LPO: variants seen among roughly 807,000 people sequenced by gnomAD.
LPO encodes the protein lactoperoxidase.
In LPO, 70 loss-of-function variants were observed where a neutral mutation model predicts 68.4. That is an observed-to-expected ratio of 1.02 (90% confidence interval 0.84 to 1.25). The LOEUF (loss-of-function observed/expected upper bound fraction) is 1.25, where lower values mean the gene tolerates loss of function less well. Ranked by LOEUF, LPO falls within the 50% of genes most tolerant of loss-of-function variation. The pLI is 0.00. For missense variants in LPO, 873 were observed against 908.4 expected (o/e 0.96, Z 0.50); for synonymous variants, 360 against 357.6 (o/e 1.01, Z -0.08).
At chr17:58,239,163 G>A (rs1457659099) in intron 1 of LPO, among the ~76,000 whole-genome samples, 2 of 151,700 alleles carry the variant, frequency 1.3e-5, no homozygotes, top group Admixed American at 6.6e-5. Context: ...CTCCACTATA[G>A]TGGAGATTTT....
chr17:58,252,468 T>A lies in LPO; in HGVS notation c.1067T>A (p.Phe356Tyr). The change falls in exon 8 of 13, where the codon TTC becomes TAC. Residue 356 changes from phenylalanine (F) to tyrosine (Y), a missense_variant. Physicochemically the swap from Phe to Tyr is conservative, Grantham distance 22. Transcript: ENST00000262290. The stretch of plus-strand genomic sequence containing the variant: ...AGCAAGAAGCCAAGCCCCTGTGAGT[T>A]CATCAACACCACTGCCCGTGTGCCC... ...YDSKKPSPCE[F>Y]INTTARVPCF... 2 of 1,613,768 alleles carry A rather than the reference T, an allele frequency of 1.2e-6. No individual in the cohort carries two copies. Among genetic ancestry groups the A allele is most frequent in the Non-Finnish European group, 1.7e-6 (2 of 1,179,874 alleles).
intron 9 of LPO, among the ~76,000 whole-genome samples, chr17:58,257,019 A>G (rs1331876916): frequency 1.1e-5 from 1 of 89,836 alleles, no homozygotes. Context: ...TTTTTTTGAG[A>G]TAGAGTCTTG....
rs372594384 is a variant in LPO at position 58,249,130 on chromosome 17, C to T, written c.396C>T (p.Cys132=). 7 of 1,614,180 alleles carry T rather than the reference C, an allele frequency of 4.3e-6. No homozygotes were observed. In the South Asian group the frequency reaches 6.6e-5, roughly 15 times the overall value. Residue 132 remains cysteine (C), a synonymous_variant, in exon 5 of 13, where the codon TGC becomes TGT. Coordinates refer to ENST00000262290, the MANE Select transcript of LPO (RefSeq NM_006151.3). Reference sequence around the variant, plus strand: ...GTGCTCCTGCTCCCGTGGTGAGATGCGACCCGTGCAGCCCTTACCGCACCA... The same window carrying T: ...GTGCTCCTGCTCCCGTGGTGAGATGTGACCCGTGCAGCCCTTACCGCACCA... ...GCGAPAPVVR[C]DPCSPYRTIT...
chr17:58,266,007 C>T (rs1970255882), intron 10 of LPO, 146 bp from the exon 11 acceptor site: 1 of 729,628 alleles, frequency 1.4e-6, no homozygotes, highest in Middle Eastern at 3.7e-4. Context: ...CTGCACTGTG[C>T]TCTTCTCTCC....
chr17:58,267,100 G>A (rs1970281689), intron 11 of LPO, among the ~76,000 whole-genome samples: 2 of 152,214 alleles, frequency 1.3e-5, no homozygotes, highest in Admixed American at 1.3e-4. Context: ...ACAGTGCTTA[G>A]AATAGTGCCT....
Position 58,268,223 on chromosome 17 carries a change from C to T in LPO, c.*229C>T, listed in dbSNP as rs905553208. On this transcript the variant is annotated 3_prime_UTR_variant, in exon 13 of 13. Coordinates refer to ENST00000262290, the MANE Select transcript of LPO (RefSeq NM_006151.3). The stretch of plus-strand genomic sequence containing the variant: ...TCTCCTTTCTGTCAAGACTTAGCCC[C>T]GCTGAGATGCCCTTCTGCTCCAGCT... The T allele has an allele frequency of 9.5e-5, 52 of 549,748 alleles. No individual in the cohort carries two copies. Among genetic ancestry groups the T allele is most frequent in the Admixed American group, 4.4e-4 (14 of 31,906 alleles). The allele number at this position is 549,748 out of a possible 1,614,324, so 34.1% of individuals were successfully genotyped here. A position where few individuals can be genotyped will look rare whatever the true frequency, so the allele number is the denominator to read the frequency against.
At position 58,249,670 on chromosome 17, in the gene LPO, C is replaced by A. The variant is rs772131545; in HGVS notation, c.548C>A (p.Thr183Lys). Residue 183 changes from threonine (T) to lysine (K), a missense_variant, in exon 6 of 13, where the codon ACG (threonine) becomes AAG (lysine). Transcript: ENST00000262290. Reference sequence around the variant, plus strand: ...CCCTTCGGCTGGACGCCGGGGAAGACGCGCAACGGCTTCCCTCTCCCGCTG... The same window carrying A: ...CCCTTCGGCTGGACGCCGGGGAAGAAGCGCAACGGCTTCCCTCTCCCGCTG... ...SLPFGWTPGKTRNGFPLPLAR... is the reference protein window; with the variant it reads ...SLPFGWTPGKKRNGFPLPLAR... 14 of 1,579,810 alleles carry A rather than the reference C, an allele frequency of 8.9e-6. No individual in the cohort carries two copies. Among genetic ancestry groups the A allele is most frequent in the Non-Finnish European group, 1.0e-5 (12 of 1,169,742 alleles).
At chr17:58,253,182 T>A (rs8178348) in intron 8 of LPO, among the ~76,000 whole-genome samples, 21,439 of 152,158 alleles carry the variant, frequency 0.14, 1,476 homozygotes, top group African/African-American at 0.17. Flanking sequence ...TTGTTTTACA[T>A]AATCGGGTCT....
At chr17:58,254,186 T>TAGATAGAC (rs1970025677) in intron 8 of LPO, among the ~76,000 whole-genome samples, 1 of 151,844 alleles carries the variant, frequency 6.6e-6, no homozygotes, top group African/African-American at 2.4e-5. Context: ...GATAGATAGA[T>TAGATAGAC]AGATAGACTC....
rs756019710 is a variant in LPO, at chr17:58,250,533, C to A, written c.692C>A (p.Ala231Asp). The part of the protein sequence containing the change: ...GQIVDHDLDF[A>D]PDTELGSSEY... The stretch of plus-strand genomic sequence containing the variant: ...ATTGTGGATCATGACCTGGACTTTG[C>A]CCCTGACACCGAGCTGGGGAGTAGC... Residue 231 changes from alanine (A) to aspartate (D), a missense_variant, in exon 7 of 13, where the codon GCC becomes GAC. Coordinates refer to ENST00000262290, the MANE Select transcript of LPO (RefSeq NM_006151.3). The A allele has an allele frequency of 1.2e-6, 2 of 1,614,012 alleles. No homozygotes were observed. Among genetic ancestry groups the A allele is most frequent in the African/African-American group, 2.7e-5 (2 of 74,894 alleles).
At chr17:58,259,774 G>C (rs1324516688) in intron 9 of LPO, among the ~76,000 whole-genome samples, 1 of 152,100 alleles carries the variant, frequency 6.6e-6, no homozygotes, top group African/African-American at 2.4e-5. Flanking sequence ...TTATCACACA[G>C]ATTCTGTACA....
chr17:58,242,779 TCTC>T, intron 1 of LPO, 196 bp from the exon 2 acceptor site: 1 of 525,584 alleles, frequency 1.9e-6, no homozygotes, highest in Non-Finnish European at 3.4e-6. Flanking sequence ...CACCATGTCT[TCTC>T]CTCTTTCCAT....
intron 2 of LPO, 191 bp from the exon 3 acceptor site, chr17:58,243,803 C>T (rs574936226): frequency 1.7e-6 from 1 of 599,288 alleles, no homozygotes; most frequent in South Asian, 2.0e-5. Flanking sequence ...GTTGAAGATC[C>T]AAGAGTATTC....
intron 7 of LPO, chr17:58,251,706 T>A (rs1196233578): frequency 2.7e-6 from 1 of 363,914 alleles, no homozygotes; most frequent in Non-Finnish European, 5.4e-6. Context: ...CTTACTTAAC[T>A]TTTCTGAGCC....
At chr17:58,242,815 C>G (rs1342870317) in intron 1 of LPO, 163 bp from the exon 2 acceptor site, 2 of 615,782 alleles carry the variant, frequency 3.2e-6, no homozygotes, top group Non-Finnish European at 5.8e-6. Context: ...CTAGCACAGG[C>G]CTGTGTGTAT....
At chr17:58,241,687 G>C (rs1969762443) in intron 1 of LPO, among the ~76,000 whole-genome samples, 1 of 152,166 alleles carries the variant, frequency 6.6e-6, no homozygotes. Context: ...CTTGGCCAGA[G>C]AGGTATTTAT....
At position 58,243,512 on chromosome 17, in the gene LPO, T is replaced by G. The variant is rs8178294; in HGVS notation, c.76+457T>G. On this transcript the variant is annotated intron_variant, in intron 2 of 12. Transcript: ENST00000262290. The stretch of plus-strand genomic sequence containing the variant: ...CATTATTTAACCCACTACACTCTCC[T>G]TGTTGAGAAAACAGATCCTGTCCTC... 8.6e-3 allele frequency: 1,926 copies of G among 223,146 alleles called. 39 individuals are homozygous for G. The highest frequency in any genetic ancestry group is 0.04 in the African/African-American group (1,747 of 43,510). The allele number at this position is 223,146 out of a possible 1,614,324, so 13.8% of individuals were successfully genotyped here.
intron 3 of LPO, among the ~76,000 whole-genome samples, 166 bp from the exon 4 acceptor site, chr17:58,247,312 G>A (rs8178316): frequency 0.024 from 3,674 of 152,244 alleles, 146 homozygotes; most frequent in African/African-American, 0.083. Flanking sequence ...TAATTTTAAT[G>A]AGTTTCAATT....
intron 5 of LPO, 187 bp from the exon 6 acceptor site, chr17:58,249,379 C>T (rs1045019257): frequency 2.3e-5 from 23 of 1,019,646 alleles, no homozygotes; most frequent in Non-Finnish European, 3.0e-5. Flanking sequence ...GAAGCGGCAC[C>T]TTTCCCCGGG....
Sources: allele counts gnomAD v4.1 joint callset (sites outside exome capture counted in the v4.1 genomes callset), GRCh38; gene constraint gnomAD v4.1.1; transcripts MANE v1.5; gene names NCBI Gene and HGNC (gene_info 2026-07-23, HGNC 2026-07-21).